Variants in DNM3 observed in about 807,000 individuals in gnomAD.
DNM3 encodes dynamin 3, also known as dynamin-3.
DNM3 carries 47 observed loss-of-function variants against 101.6 expected under a neutral mutation model. The ratio of observed to expected loss-of-function variants is 0.46; its 90% CI spans 0.37 to 0.59. The LOEUF is 0.59. Ranked by LOEUF, DNM3 falls within the 20% of genes least tolerant of loss-of-function variation. The probability of loss-of-function intolerance (pLI) is 0.00; values close to 1 mark genes in which losing one functional copy is unlikely to be tolerated. For missense variants in DNM3, 849 were observed against 1,085.7 expected, an observed-to-expected ratio of 0.78 and a Z score of 3.06; for synonymous variants, 385 against 387.9, an observed-to-expected ratio of 0.99 and a Z score of 0.09.
intron 13 of DNM3, among the ~76,000 whole-genome samples, chr1:172,095,021 G>C (rs1006213816): frequency 1.3e-5 from 2 of 152,162 alleles, no homozygotes; most frequent in African/African-American, 4.8e-5. Flanking sequence ...CATGCTAATT[G>C]TGTTTCTGTG....
intron 4 of DNM3, among the ~76,000 whole-genome samples, chr1:171,993,484 C>T (rs1048494820): frequency 1.4e-5 from 2 of 145,434 alleles, no homozygotes; most frequent in Admixed American, 1.4e-4. Context: ...TTCTCTCCTG[C>T]TGCTTTCAAG....
chr1:172,280,182 C>T (rs1034949228), intron 15 of DNM3, among the ~76,000 whole-genome samples: 5 of 152,112 alleles, frequency 3.3e-5, no homozygotes, highest in African/African-American at 1.2e-4. Flanking sequence ...TGCCCCACCC[C>T]CTCAGTTCAT....
rs529672666 is a variant in DNM3, at chr1:172,261,776, G to A, written c.1769+8094G>A. 2.6e-5 allele frequency among the ~76,000 whole-genome samples: 4 copies of A among 152,354 alleles called. No homozygotes were observed. The East Asian group carries it at 5.8e-4, about 22-fold the overall frequency. On this transcript the variant is annotated intron_variant, in intron 15 of 20. Transcript: ENST00000627582. ...TTTCAGGTGGTGTGTATGGTTGGGT[G>A]CCAGCTGTGGTGGTAGTGCAAGTTG...
At chr1:171,965,198 A>C (rs948490198) in intron 2 of DNM3, among the ~76,000 whole-genome samples, 20 of 152,120 alleles carry the variant, frequency 1.3e-4, no homozygotes, top group African/African-American at 4.8e-4. Flanking sequence ...ATAATTTGCT[A>C]TAACAGCTCA....
intron 15 of DNM3, among the ~76,000 whole-genome samples, chr1:172,291,191 A>G (rs2063898977): frequency 6.6e-6 from 1 of 152,228 alleles, no homozygotes; most frequent in Non-Finnish European, 1.5e-5. Context: ...GTTTTGCTAT[A>G]AAGGCAAATA....
chr1:172,112,218 A>G (rs2055538022), intron 13 of DNM3, among the ~76,000 whole-genome samples: 1 of 152,196 alleles, frequency 6.6e-6, no homozygotes, highest in Admixed American at 6.5e-5. Flanking sequence ...CTTGACATTC[A>G]TTATTTTCCT....
At chr1:172,362,859 A>G (rs2067815590) in intron 17 of DNM3, among the ~76,000 whole-genome samples, 1 of 151,564 alleles carries the variant, frequency 6.6e-6, no homozygotes, top group African/African-American at 2.4e-5. Context: ...GCCAGCCCTC[A>G]TTCTATTTAA....
chr1:171,894,995 C>T (rs1164197340), intron 1 of DNM3, among the ~76,000 whole-genome samples: 1 of 152,178 alleles, frequency 6.6e-6, no homozygotes, highest in African/African-American at 2.4e-5. Context: ...GCATAGTATT[C>T]CATCGTGTAT....
At chr1:172,385,511 C>G (rs1052438159) in intron 18 of DNM3, among the ~76,000 whole-genome samples, 2 of 152,218 alleles carry the variant, frequency 1.3e-5, no homozygotes, top group African/African-American at 4.8e-5. Context: ...TATTAGATTA[C>G]TTTCACCTTT....
intron 13 of DNM3, among the ~76,000 whole-genome samples, chr1:172,125,677 T>C (rs1289654120): frequency 1.3e-5 from 2 of 152,194 alleles, no homozygotes; most frequent in African/African-American, 2.4e-5. Context: ...AATGAGAACA[T>C]GCCCTTTTAG....
downstream of DNM3, among the ~76,000 whole-genome samples, chr1:172,416,116 T>G (rs1422378977): frequency 6.6e-6 from 1 of 152,194 alleles, no homozygotes; most frequent in African/African-American, 2.4e-5. Context: ...ATAGTCTTGA[T>G]TAGGTAAATT....
chr1:171,911,204 C>T (rs1481170365), intron 1 of DNM3, among the ~76,000 whole-genome samples: 3 of 147,220 alleles, frequency 2.0e-5, no homozygotes, highest in Non-Finnish European at 4.5e-5. Flanking sequence ...GTGCTCCATT[C>T]TGTTTTAGTG....
intron 14 of DNM3, among the ~76,000 whole-genome samples, chr1:172,196,603 C>G (rs1042898012): frequency 2.0e-5 from 3 of 152,026 alleles, no homozygotes; most frequent in Non-Finnish European, 2.9e-5. Context: ...GCCATGCTGA[C>G]TGGCATGAGA....
chr1:171,991,341 T>C lies in DNM3; in HGVS notation c.589+2193T>C, dbSNP rs557089574. ...TGCCAGTTACAAGATCCAGGTTGTT[T>C]ACCCTGTGCTCTGACTGACTGGCTA... is the stretch of plus-strand genomic sequence containing the variant. On this transcript the variant is annotated intron_variant, in intron 4 of 20. Transcript: ENST00000627582. Among the ~76,000 whole-genome samples the C allele has an allele frequency of 2.0e-5, 3 of 152,290 alleles. 1 individual carries two copies. In the South Asian group the frequency reaches 6.2e-4, roughly 32 times the overall value.
intron 20 of DNM3, among the ~76,000 whole-genome samples, chr1:172,406,903 T>TG (rs1192437429): frequency 6.6e-6 from 1 of 151,820 alleles, no homozygotes; most frequent in Non-Finnish European, 1.5e-5. Context: ...TTGTCAAATT[T>TG]GGGGGGGTAA....
intron 1 of DNM3, among the ~76,000 whole-genome samples, chr1:171,842,913 C>T (rs2031488701): frequency 6.6e-6 from 1 of 152,110 alleles, no homozygotes; most frequent in African/African-American, 2.4e-5. Flanking sequence ...AATCTGTTTC[C>T]TAGTAATAGA....
intron 16 of DNM3, among the ~76,000 whole-genome samples, chr1:172,321,264 G>C (rs1260313864): frequency 6.6e-6 from 1 of 152,178 alleles, no homozygotes; most frequent in Non-Finnish European, 1.5e-5. Context: ...ATTTATTAAA[G>C]TGCTGATGAC....
At chr1:172,124,244 C>T (rs770065751) in intron 13 of DNM3, among the ~76,000 whole-genome samples, 1 of 152,088 alleles carries the variant, frequency 6.6e-6, no homozygotes, top group Non-Finnish European at 1.5e-5. Context: ...TACAAAAGTT[C>T]AAGAATTACA....
chr1:172,235,407 C>A (rs1456059525), intron 14 of DNM3, among the ~76,000 whole-genome samples: 9 of 152,056 alleles, frequency 5.9e-5, no homozygotes, highest in African/African-American at 9.7e-5. Flanking sequence ...TGGGACTGTA[C>A]ACTAGTTCAA....
Sources: allele counts gnomAD v4.1 joint callset (sites outside exome capture counted in the v4.1 genomes callset), GRCh38; gene constraint gnomAD v4.1.1; transcripts MANE v1.5; gene names NCBI Gene and HGNC (gene_info 2026-07-23, HGNC 2026-07-21).